RBFOX1: variants seen among roughly 807,000 people sequenced by gnomAD.
RBFOX1 encodes RNA binding fox-1 homolog 1.
In RBFOX1, 8 loss-of-function variants were observed where a neutral mutation model predicts 57.7. The ratio of observed to expected loss-of-function variants is 0.14; its 90% confidence interval spans 0.08 to 0.25. The LOEUF (loss-of-function observed/expected upper bound fraction) is 0.25. Ranked by LOEUF, RBFOX1 falls within the 10% of genes least tolerant of loss-of-function variation. The probability of loss-of-function intolerance (pLI) is 1.00; values close to 1 mark genes in which losing one functional copy is unlikely to be tolerated. For missense variants in RBFOX1, 611 were observed against 548.5 expected (o/e 1.11, Z -1.14); for synonymous variants, 326 against 222.4 (o/e 1.47, Z -4.15).
intron 1 of RBFOX1, among the ~76,000 whole-genome samples, chr16:6,300,473 C>G (rs1410234504): frequency 6.6e-6 from 1 of 152,180 alleles, no homozygotes; most frequent in East Asian, 1.9e-4. Context: ...AGAAATCCCT[C>G]CGCCAACCCA....
At chr16:6,240,791 C>G (rs1395912172) in intron 1 of RBFOX1, among the ~76,000 whole-genome samples, 1 of 152,168 alleles carries the variant, frequency 6.6e-6, no homozygotes, top group East Asian at 1.9e-4. Flanking sequence ...TCCATTTGGT[C>G]AGTCTCCAAC....
chr16:6,761,660 C>A lies in RBFOX1; in HGVS notation c.-16+107010C>A, dbSNP rs186952121. On this transcript the variant is annotated intron_variant, in intron 3 of 15. Coordinates refer to ENST00000550418, the MANE Select transcript of RBFOX1 (RefSeq NM_018723.4). The stretch of plus-strand genomic sequence containing the variant: ...TGGCTGGGATTACAGGTGCTCGCCA[C>A]CATGCCTGGCTAATATTTGTATTTT... 8.7e-4 allele frequency among the ~76,000 whole-genome samples: 132 copies of A among 151,804 alleles called. 1 individual carries two copies. The highest frequency in any genetic ancestry group is 3.0e-3 in the African/African-American group (123 of 41,344).
At chr16:5,536,390 A>G (rs2044699450) in intron 2 of RBFOX1, among the ~76,000 whole-genome samples, 1 of 151,910 alleles carries the variant, frequency 6.6e-6, no homozygotes, top group Admixed American at 6.6e-5. Flanking sequence ...GCCCGCCACC[A>G]TGCCCGGCTA....
chr16:6,751,574 T>A (rs1261458581), intron 3 of RBFOX1, among the ~76,000 whole-genome samples: 2 of 152,176 alleles, frequency 1.3e-5, no homozygotes, highest in Non-Finnish European at 2.9e-5. Context: ...ATACAGTGCT[T>A]CCTCTGCACA....
chr16:6,869,337 G>T (rs1247880561), intron 3 of RBFOX1, among the ~76,000 whole-genome samples: 1 of 152,126 alleles, frequency 6.6e-6, no homozygotes, highest in African/African-American at 2.4e-5. Context: ...TGGGCTCAGA[G>T]GGTCACTGTT....
At chr16:5,468,576 A>G (rs2069027591) in intron 2 of RBFOX1, among the ~76,000 whole-genome samples, 1 of 152,236 alleles carries the variant, frequency 6.6e-6, no homozygotes, top group Admixed American at 6.5e-5. Context: ...TGCTGAGAAC[A>G]GGTACTCAAA....
chr16:7,295,173 T>G (rs555932404), intron 4 of RBFOX1, among the ~76,000 whole-genome samples: 248 of 152,330 alleles, frequency 1.6e-3, no homozygotes, highest in Non-Finnish European at 3.0e-3. Context: ...TTCATTTGAT[T>G]CATTAGCAAG....
At position 6,562,530 on chromosome 16, in the gene RBFOX1, T is replaced by C. The variant is rs143185809; in HGVS notation, c.-63-92073T>C. Among the ~76,000 whole-genome samples, 102 of 152,338 alleles carry C rather than the reference T, an allele frequency of 6.7e-4. 1 individual carries two copies. The South Asian group carries it at 0.018, about 27-fold the overall frequency. On this transcript the variant is annotated intron_variant, in intron 2 of 15. Coordinates refer to ENST00000550418, the MANE Select transcript of RBFOX1 (RefSeq NM_018723.4). Reference sequence around the variant, plus strand: ...GACTCAGTCCAGGTTTCCAAGTATTTAGTTTGGAAGTAAATGAAGACACGA... The same window carrying C: ...GACTCAGTCCAGGTTTCCAAGTATTCAGTTTGGAAGTAAATGAAGACACGA...
chr16:5,656,146 G>C (rs957438166), intron 3 of RBFOX1, among the ~76,000 whole-genome samples: 1 of 152,176 alleles, frequency 6.6e-6, no homozygotes, highest in African/African-American at 2.4e-5. Flanking sequence ...GGGAAAGCTG[G>C]ATTCCAAACC....
intron 1 of RBFOX1, among the ~76,000 whole-genome samples, chr16:6,223,077 C>T (rs548279153): frequency 2.8e-4 from 42 of 149,106 alleles, no homozygotes; most frequent in East Asian, 2.0e-3. Flanking sequence ...ATATGTGCCA[C>T]ATTTTCTTAA....
chr16:7,465,156 C>T (rs561534823), intron 4 of RBFOX1, among the ~76,000 whole-genome samples: 1 of 152,234 alleles, frequency 6.6e-6, no homozygotes, highest in East Asian at 1.9e-4. Flanking sequence ...TTTACTTTTT[C>T]CACCTAGAAT....
At chr16:7,459,967 T>A (rs775926602) in intron 4 of RBFOX1, among the ~76,000 whole-genome samples, 13 of 152,158 alleles carry the variant, frequency 8.5e-5, no homozygotes, top group Non-Finnish European at 1.6e-4. Flanking sequence ...TAGCAACAAG[T>A]AATTGAAAAT....
intron 3 of RBFOX1, among the ~76,000 whole-genome samples, chr16:5,766,927 G>T (rs112582189): frequency 6.6e-6 from 1 of 152,154 alleles, no homozygotes; most frequent in South Asian, 2.1e-4. Context: ...AGTTCAGTAC[G>T]TGCTACTTCT....
chr16:7,340,545 C>G (rs913401910), intron 4 of RBFOX1, among the ~76,000 whole-genome samples: 5 of 152,144 alleles, frequency 3.3e-5, no homozygotes, highest in African/African-American at 9.7e-5. Context: ...AAGTCACAAC[C>G]TAGGGAAGTC....
chr16:7,658,921 C>T (rs2066994862), intron 12 of RBFOX1, among the ~76,000 whole-genome samples: 1 of 152,336 alleles, frequency 6.6e-6, no homozygotes, highest in Middle Eastern at 3.4e-3. Context: ...GACAGGGTTT[C>T]ACCATATTGG....
chr16:6,266,860 C>T (rs180798383), intron 1 of RBFOX1, among the ~76,000 whole-genome samples: 1 of 152,252 alleles, frequency 6.6e-6, no homozygotes, highest in African/African-American at 2.4e-5. Flanking sequence ...TGTCTGTCTT[C>T]TGTATGACAT....
chr16:7,241,295 A>T (rs1329606430), intron 4 of RBFOX1, among the ~76,000 whole-genome samples: 2 of 152,084 alleles, frequency 1.3e-5, no homozygotes, highest in African/African-American at 4.8e-5. Flanking sequence ...TAATTCTCTC[A>T]GCTTGAGTAA....
intron 5 of RBFOX1, among the ~76,000 whole-genome samples, chr16:7,518,619 G>A (rs2076893146): frequency 6.6e-6 from 1 of 152,066 alleles, no homozygotes; most frequent in African/African-American, 2.4e-5. Flanking sequence ...TTTGTAAAGG[G>A]GCACATTTAT....
At chr16:5,507,223 G>A (rs2043409885) in intron 2 of RBFOX1, among the ~76,000 whole-genome samples, 1 of 152,068 alleles carries the variant, frequency 6.6e-6, no homozygotes, top group Admixed American at 6.5e-5. Flanking sequence ...CAACCACTGC[G>A]GCCACCATGA....
Sources: gnomAD v4.1 joint callset for allele counts (sites outside exome capture counted in the v4.1 genomes callset) on GRCh38, gnomAD v4.1.1 for gene constraint, MANE v1.5 for transcripts, NCBI Gene and HGNC (gene_info 2026-07-23, HGNC 2026-07-21) for gene names.